The following ALK variants were observed in gnomAD, a reference collection of about 807,000 sequenced individuals.
The protein encoded by ALK is ALK receptor tyrosine kinase.
In ALK, 74 loss-of-function variants were observed where a neutral mutation model predicts 163.1. The observed-to-expected ratio is 0.45, with a 90% CI of 0.38 to 0.55. The LOEUF is 0.55. ALK is among the 20% of genes least tolerant of loss of function. The pLI is 0.00. For synonymous variants in ALK, 960 were observed against 843.2 expected (o/e 1.14, Z -2.40); for missense variants, 2,063 against 2,105.3 (o/e 0.98, Z 0.39).
chr2:29,236,249 G>C (rs763142918), intron 13 of ALK, among the ~76,000 whole-genome samples: 73 of 152,188 alleles, frequency 4.8e-4, no homozygotes, highest in Non-Finnish European at 1.3e-4. Context: ...GGGCTGCCCA[G>C]TCTGAACCAG....
intron 1 of ALK, among the ~76,000 whole-genome samples, chr2:29,837,321 G>A (rs1251626874): frequency 2.6e-5 from 4 of 152,156 alleles, no homozygotes; most frequent in Admixed American, 6.5e-5. Context: ...AGCTACTGAG[G>A]TGCCTGGAAT....
At chr2:29,458,729 A>T (rs1671016822) in intron 4 of ALK, among the ~76,000 whole-genome samples, 1 of 152,190 alleles carries the variant, frequency 6.6e-6, no homozygotes, top group Non-Finnish European at 1.5e-5. Flanking sequence ...CTCCATTAAG[A>T]TTGAATTCTC....
At chr2:29,414,203 T>A (rs1486788610) in intron 4 of ALK, among the ~76,000 whole-genome samples, 1 of 152,210 alleles carries the variant, frequency 6.6e-6, no homozygotes, top group African/African-American at 2.4e-5. Flanking sequence ...GACCAAAATT[T>A]TATGTGGCAC....
Position 29,227,782 on chromosome 2 carries a change from G to A in ALK, c.2816-110C>T, listed in dbSNP as rs1482549322. On this transcript the variant is annotated intron_variant, in intron 16 of 28. Transcript: ENST00000389048. This position sits in a 1 kb window ranked among gnomAD's most constrained non-coding sequence, Gnocchi z 4.4. ...TCTGGCCAAAGTTAGGGGGTCACTG[G>A]GGACCTCAGGGGCAGGGATGCGGGG... The A allele has an allele frequency of 9.9e-6, 8 of 804,140 alleles. No homozygotes were observed. Among genetic ancestry groups the A allele is most frequent in the African/African-American group, 5.1e-5 (3 of 59,394 alleles). 49.8% of individuals were successfully genotyped at this position (804,140 alleles called of 1,614,324 possible). A position where few individuals can be genotyped will look rare whatever the true frequency, so the allele number is the denominator to read the frequency against.
At chr2:29,822,586 A>G (rs1572407883) in intron 1 of ALK, among the ~76,000 whole-genome samples, 1 of 152,326 alleles carries the variant, frequency 6.6e-6, no homozygotes, top group Non-Finnish European at 1.5e-5. Context: ...GTGTGTAAAA[A>G]TTGACCTGGA....
In ALK at chr2:29,826,395, A is replaced by C. The variant is rs570490753; in HGVS notation, c.667+93598T>G. 2.0e-5 allele frequency among the ~76,000 whole-genome samples: 3 copies of C among 152,016 alleles called. No individual in the cohort carries two copies. In the South Asian group the frequency reaches 6.2e-4, roughly 32 times the overall value. On this transcript the variant is annotated intron_variant, in intron 1 of 28. Coordinates refer to ENST00000389048, the MANE Select transcript of ALK (RefSeq NM_004304.5). ...TATATCACAATGACAAAATTCTCCA[A>C]TGAGAATCATCAAAATATTCTGAGT...
chr2:29,291,964 T>C (rs1427929045), intron 9 of ALK, among the ~76,000 whole-genome samples: 5 of 152,102 alleles, frequency 3.3e-5, no homozygotes, highest in Admixed American at 3.3e-4. Flanking sequence ...AGAAAAAAAA[T>C]CTTGGCTCTA....
At chr2:29,547,008 G>C (rs771997480) in intron 3 of ALK, among the ~76,000 whole-genome samples, 1 of 152,160 alleles carries the variant, frequency 6.6e-6, no homozygotes, top group Admixed American at 6.5e-5. Context: ...GCCACTCTGG[G>C]AGAGCTGCAT....
chr2:29,357,155 A>C (rs1668269747), intron 5 of ALK, among the ~76,000 whole-genome samples: 1 of 152,224 alleles, frequency 6.6e-6, no homozygotes, highest in African/African-American at 2.4e-5. Context: ...ATGAGCTACC[A>C]CATGGGTTAT....
chr2:29,615,335 A>C (rs1675812028), intron 3 of ALK, among the ~76,000 whole-genome samples: 1 of 152,160 alleles, frequency 6.6e-6, no homozygotes, highest in African/African-American at 2.4e-5. Context: ...CTTCTAGTGC[A>C]AAGCTCTGGC....
intron 1 of ALK, among the ~76,000 whole-genome samples, chr2:29,873,170 G>A (rs1666620219): frequency 6.6e-6 from 1 of 152,206 alleles, no homozygotes; most frequent in Admixed American, 6.5e-5. Context: ...ACAGCTCAGT[G>A]CTATGGGCTC....
At chr2:29,786,570 C>A (rs1423039063) in intron 1 of ALK, among the ~76,000 whole-genome samples, 1 of 152,160 alleles carries the variant, frequency 6.6e-6, no homozygotes, top group Non-Finnish European at 1.5e-5. Context: ...CCTCAGTAAA[C>A]ATTTATAAAG....
chr2:29,557,786 A>T (rs1192102206), intron 3 of ALK, among the ~76,000 whole-genome samples: 1 of 152,202 alleles, frequency 6.6e-6, no homozygotes, highest in African/African-American at 2.4e-5. Flanking sequence ...TAAGTGCCAC[A>T]TAATAGTAAT....
rs994208295 is a variant in ALK at position 29,583,045 on chromosome 2, T to TTTTTTTTG, written c.953-50930_953-50929insCAAAAAAA. The stretch of plus-strand genomic sequence containing the variant: ...GCCTGGCTAACTTTTGTTTTTTGTT[T>TTTTTTTTG]TTTTGTTTTTTTTAGTAAAGATGGG... On this transcript the variant is annotated intron_variant, in intron 3 of 28. Transcript: ENST00000389048. Among the ~76,000 whole-genome samples, 90 of 150,138 alleles carry TTTTTTTTG rather than the reference T, an allele frequency of 6.0e-4. 1 individual carries two copies. The East Asian group carries it at 0.016, about 27-fold the overall frequency.
At chr2:29,704,913 G>A (rs1678850289) in intron 2 of ALK, among the ~76,000 whole-genome samples, 1 of 151,954 alleles carries the variant, frequency 6.6e-6, no homozygotes, top group Non-Finnish European at 1.5e-5. Context: ...GATAAACCAG[G>A]GAGAATTATC....
chr2:29,420,673 C>T (rs190557487), intron 4 of ALK, among the ~76,000 whole-genome samples: 48 of 151,628 alleles, frequency 3.2e-4, no homozygotes, highest in Non-Finnish European at 1.2e-4. Flanking sequence ...CTCCTCTGTG[C>T]GGATGAATAA....
chr2:29,196,902 A>G (rs1558606209), intron 27 of ALK, 42 bp from the exon 28 acceptor site: 2 of 1,492,688 alleles, frequency 1.3e-6, no homozygotes, highest in South Asian at 1.1e-5. Flanking sequence ...GAGAAGCACA[A>G]TGATGAAAAA....
At chr2:29,765,485 T>C (rs1006662435) in intron 1 of ALK, among the ~76,000 whole-genome samples, 4 of 152,104 alleles carry the variant, frequency 2.6e-5, no homozygotes, top group African/African-American at 9.7e-5. Flanking sequence ...TTATTTATTT[T>C]TTATTTTGCA....
chr2:29,571,602 C>CTTTTTTTTTTTTTTTTTATTTTTTT (rs1674371812), intron 3 of ALK, among the ~76,000 whole-genome samples: 1 of 68,516 alleles, frequency 1.5e-5, no homozygotes, highest in African/African-American at 7.3e-5. Flanking sequence ...TGGCTCATAT[C>CTTTTTTTTTTTTTTTTTATTTTTTT]TTTTTTTTTT....
Sources: allele counts gnomAD v4.1 joint callset (sites outside exome capture counted in the v4.1 genomes callset), GRCh38; gene constraint gnomAD v4.1.1; non-coding constraint Gnocchi (gnomAD v3.1); transcripts MANE v1.5; gene names NCBI Gene and HGNC (gene_info 2026-07-23, HGNC 2026-07-21).